The following BMAL2 variants were observed in gnomAD, a reference collection of about 807,000 sequenced individuals.
The protein encoded by BMAL2 is basic helix-loop-helix ARNT-like protein 2.
chr12:27,367,844 A>G, the BMAL2 span, among the ~76,000 whole-genome samples: 211 of 131,736 alleles, frequency 1.6e-3, 2 homozygotes, highest in East Asian at 0.047. Context: ...ATATATATAT[A>G]TGTATACACA....
chr12:27,368,071 G>A, the BMAL2 span, among the ~76,000 whole-genome samples: 1 of 151,416 alleles, frequency 6.6e-6, no homozygotes, highest in Non-Finnish European at 1.5e-5. Context: ...TTGATCTCCT[G>A]ACCTCAGGTG....
chr12:27,377,912 G>A, the BMAL2 span, among the ~76,000 whole-genome samples: 2 of 152,200 alleles, frequency 1.3e-5, no homozygotes, highest in African/African-American at 4.8e-5. Flanking sequence ...CAGGGGGTGT[G>A]GTAGCTCCCA....
chr12:27,336,127 A>G, the BMAL2 span, among the ~76,000 whole-genome samples: 1 of 152,168 alleles, frequency 6.6e-6, no homozygotes, highest in African/African-American at 2.4e-5. Flanking sequence ...ACTTCTCTGC[A>G]TTGACAACTG....
the BMAL2 span, among the ~76,000 whole-genome samples, chr12:27,336,081 C>G: frequency 6.6e-6 from 1 of 152,116 alleles, no homozygotes; most frequent in Non-Finnish European, 1.5e-5. Context: ...TCTGGTAGCC[C>G]TAGTTTTCAG....
the BMAL2 span, among the ~76,000 whole-genome samples, chr12:27,378,945 C>CGTT: frequency 1.3e-5 from 2 of 151,944 alleles, no homozygotes; most frequent in African/African-American, 4.8e-5. Flanking sequence ...GGTATCCAAT[C>CGTT]GTTTGGTTTC....
the BMAL2 span, among the ~76,000 whole-genome samples, chr12:27,397,757 C>A: frequency 6.6e-6 from 1 of 152,202 alleles, no homozygotes; most frequent in Non-Finnish European, 1.5e-5. Context: ...GTTGTGAAAT[C>A]GCAGGCTGAT....
the BMAL2 span, chr12:27,389,111 T>G: frequency 9.9e-7 from 1 of 1,010,336 alleles, no homozygotes; most frequent in Non-Finnish European, 1.5e-6. Flanking sequence ...AGAACATTTA[T>G]TGTATGCATC....
At chr12:27,418,903 T>C in the BMAL2 span, among the ~76,000 whole-genome samples, 4 of 150,622 alleles carry the variant, frequency 2.7e-5, no homozygotes, top group Non-Finnish European at 5.9e-5. Flanking sequence ...CGCTTGAACC[T>C]GGGAAGTGGA....
the BMAL2 span, among the ~76,000 whole-genome samples, chr12:27,362,460 G>C: frequency 1.3e-5 from 2 of 152,092 alleles, no homozygotes; most frequent in Admixed American, 6.5e-5. Flanking sequence ...CTGTGAAGAT[G>C]GTAAAAATAA....
chr12:27,402,074 A>G, the BMAL2 span, among the ~76,000 whole-genome samples: 2 of 152,138 alleles, frequency 1.3e-5, no homozygotes, highest in African/African-American at 4.8e-5. Flanking sequence ...CTGTGTAGGC[A>G]TGCTCAGCAC....
At chr12:27,384,168 C>T in the BMAL2 span, among the ~76,000 whole-genome samples, 1 of 152,110 alleles carries the variant, frequency 6.6e-6, no homozygotes, top group Non-Finnish European at 1.5e-5. Context: ...TTGGCTTTGT[C>T]GTCTGTGTCA....
At chr12:27,419,452 C>A in the BMAL2 span, among the ~76,000 whole-genome samples, 1 of 152,260 alleles carries the variant, frequency 6.6e-6, no homozygotes, top group Non-Finnish European at 1.5e-5. Context: ...ATCACAAACT[C>A]CCTCTTGAGA....
chr12:27,417,020 T>C, the BMAL2 span, among the ~76,000 whole-genome samples: 2 of 152,212 alleles, frequency 1.3e-5, no homozygotes, highest in Non-Finnish European at 2.9e-5. Flanking sequence ...TCTTCTGCTT[T>C]ATTATTTATT....
At chr12:27,393,648 G>A in the BMAL2 span, among the ~76,000 whole-genome samples, 1 of 152,176 alleles carries the variant, frequency 6.6e-6, no homozygotes, top group Non-Finnish European at 1.5e-5. Context: ...CTGTGCTGAG[G>A]GGAAAATGAT....
the BMAL2 span, chr12:27,376,439 G>GC: frequency 6.4e-7 from 1 of 1,564,470 alleles, no homozygotes; most frequent in South Asian, 1.1e-5. Context: ...GTACACAAAG[G>GC]CAAGCCTGTA....
the BMAL2 span, among the ~76,000 whole-genome samples, chr12:27,364,020 G>A: frequency 2.0e-5 from 3 of 152,098 alleles, no homozygotes; most frequent in African/African-American, 7.2e-5. Context: ...ATCAAGGCAC[G>A]GGCAACTTCA....
At chr12:27,366,473 G>A in the BMAL2 span, among the ~76,000 whole-genome samples, 2 of 152,002 alleles carry the variant, frequency 1.3e-5, no homozygotes, top group Non-Finnish European at 2.9e-5. Flanking sequence ...TTTTCAATCT[G>A]TGTTATTAGG....
chr12:27,346,594 C>T, the BMAL2 span, among the ~76,000 whole-genome samples: 1 of 152,106 alleles, frequency 6.6e-6, no homozygotes, highest in East Asian at 1.9e-4. Flanking sequence ...TTACTCCCAC[C>T]CTTTGCCATG....
At chr12:27,358,951 A>G in the BMAL2 span, among the ~76,000 whole-genome samples, 1 of 142,752 alleles carries the variant, frequency 7.0e-6, no homozygotes, top group Non-Finnish European at 1.5e-5. Context: ...GCCAATTAAT[A>G]CTTAATTTCT....
Sources: gnomAD v4.1 joint callset for allele counts (sites outside exome capture counted in the v4.1 genomes callset) on GRCh38, gnomAD v4.1.1 for gene constraint, MANE v1.5 for transcripts, NCBI Gene and HGNC (gene_info 2026-07-23, HGNC 2026-07-21) for gene names.